Variants in SGCZ observed in about 807,000 individuals in gnomAD.
The protein encoded by SGCZ is sarcoglycan zeta.
A neutral mutation model predicts 41.3 loss-of-function variants in SGCZ; 40 were observed. That is an observed-to-expected ratio of 0.97 (90% confidence interval 0.75 to 1.26). SGCZ has a LOEUF of 1.26. Ranked by LOEUF, SGCZ falls within the 50% of genes most tolerant of loss-of-function variation. The probability of loss-of-function intolerance (pLI) is 0.00; values close to 1 mark genes in which losing one functional copy is unlikely to be tolerated. For synonymous variants in SGCZ, 206 were observed against 137.5 expected (o/e 1.50, Z -3.49); for missense variants, 552 against 369.8 (o/e 1.49, Z -4.04).
rs561895226 is a variant in SGCZ at position 14,266,658 on chromosome 8, C to A, written c.337-28979G>T. Among the ~76,000 whole-genome samples the A allele has an allele frequency of 7.9e-5, 12 of 152,146 alleles. No homozygotes were observed. In the East Asian group the frequency reaches 2.1e-3, roughly 27 times the overall value. The stretch of plus-strand genomic sequence containing the variant: ...GAAGAGTGAAGAAATCGTTAGGGAC[C>A]TGATGGGTCATTGTGAGGGTTTTTA... On this transcript the variant is annotated intron_variant, in intron 3 of 7. Transcript: ENST00000382080.
chr8:14,101,814 T>A (rs1426212064), intron 7 of SGCZ, among the ~76,000 whole-genome samples: 1 of 151,830 alleles, frequency 6.6e-6, no homozygotes, highest in Non-Finnish European at 1.5e-5. Context: ...CTTCTCAAAT[T>A]ATATGCATAT....
intron 3 of SGCZ, among the ~76,000 whole-genome samples, chr8:14,310,013 A>C (rs1896211): frequency 0.92 from 140,398 of 152,038 alleles, 64,963 homozygotes; most frequent in Middle Eastern, 0.96. Flanking sequence ...AGTCAAAAAA[A>C]AACTTGGCAT....
chr8:15,237,503 CG>C (rs1470851043), intron 1 of SGCZ, 81 bp downstream of exon 1: 1 of 1,500,864 alleles, frequency 6.7e-7, no homozygotes, highest in African/African-American at 1.4e-5. Flanking sequence ...TACTCCGCGC[CG>C]CTGGAGGAGC....
chr8:14,482,663 A>G (rs1801565937), intron 2 of SGCZ, among the ~76,000 whole-genome samples: 1 of 152,028 alleles, frequency 6.6e-6, no homozygotes, highest in African/African-American at 2.4e-5. Context: ...AGATATTAGC[A>G]TCTGCGAAAT....
intron 1 of SGCZ, among the ~76,000 whole-genome samples, chr8:14,870,841 G>A (rs897897135): frequency 1.3e-5 from 2 of 152,130 alleles, no homozygotes; most frequent in Non-Finnish European, 2.9e-5. Flanking sequence ...ATCATCACTG[G>A]TCGTTAGAGA....
intron 4 of SGCZ, among the ~76,000 whole-genome samples, chr8:14,183,355 C>CT (rs1429079462): frequency 2.0e-5 from 3 of 152,018 alleles, no homozygotes; most frequent in Admixed American, 6.6e-5. Context: ...AATCATAACT[C>CT]TTCTTGAGAA....
intron 2 of SGCZ, among the ~76,000 whole-genome samples, chr8:14,385,538 T>C (rs575205110): frequency 2.5e-4 from 38 of 152,266 alleles, no homozygotes; most frequent in African/African-American, 7.9e-4. Context: ...ATCGATAGAA[T>C]GAAGTTAGAA....
intron 1 of SGCZ, among the ~76,000 whole-genome samples, chr8:14,866,539 G>C (rs1018646053): frequency 5.3e-5 from 8 of 152,118 alleles, no homozygotes; most frequent in African/African-American, 1.9e-4. Context: ...GCTGGGCACA[G>C]TGACTCATGC....
chr8:14,697,719 GA>G (rs1203394043), intron 1 of SGCZ, among the ~76,000 whole-genome samples: 2 of 151,846 alleles, frequency 1.3e-5, no homozygotes, highest in Non-Finnish European at 2.9e-5. Flanking sequence ...AACAATCACT[GA>G]AAATCCAAAA....
intron 1 of SGCZ, among the ~76,000 whole-genome samples, chr8:14,830,171 T>C (rs7013356): frequency 6.6e-6 from 1 of 152,128 alleles, no homozygotes; most frequent in Non-Finnish European, 1.5e-5. Context: ...ATTAAAAATA[T>C]GGACCAACTT....
At chr8:14,102,087 TA>T (rs1802042163) in intron 7 of SGCZ, among the ~76,000 whole-genome samples, 1 of 99,738 alleles carries the variant, frequency 1.0e-5, no homozygotes, top group Non-Finnish European at 1.9e-5. Context: ...TATATATATA[TA>T]TATATATATA....
At chr8:14,195,713 C>T (rs892263356) in intron 4 of SGCZ, among the ~76,000 whole-genome samples, 20 of 151,988 alleles carry the variant, frequency 1.3e-4, no homozygotes, top group African/African-American at 4.6e-4. Context: ...CTGATTAATA[C>T]TGGAAAAAAT....
intron 2 of SGCZ, among the ~76,000 whole-genome samples, chr8:14,529,186 G>A (rs984455001): frequency 1.3e-5 from 2 of 152,080 alleles, no homozygotes; most frequent in African/African-American, 4.8e-5. Flanking sequence ...ATAAGTACTT[G>A]CATGATTTGG....
At chr8:14,866,583 GT>G (rs1803939859) in intron 1 of SGCZ, among the ~76,000 whole-genome samples, 1 of 152,076 alleles carries the variant, frequency 6.6e-6, no homozygotes, top group Admixed American at 6.6e-5. Flanking sequence ...GCCAAGATGG[GT>G]AGATCGCTTG....
intron 3 of SGCZ, among the ~76,000 whole-genome samples, chr8:14,240,991 G>C (rs973067866): frequency 6.6e-6 from 1 of 152,108 alleles, no homozygotes; most frequent in African/African-American, 2.4e-5. Flanking sequence ...GTTAGAATCA[G>C]CACCAACATA....
intron 1 of SGCZ, among the ~76,000 whole-genome samples, chr8:14,955,977 T>G (rs1800778512): frequency 6.6e-6 from 1 of 151,932 alleles, no homozygotes. Flanking sequence ...TTTTCACATT[T>G]GGGATTTTAA....
intron 5 of SGCZ, among the ~76,000 whole-genome samples, chr8:14,126,676 T>A (rs60146348): frequency 0.18 from 27,723 of 152,128 alleles, 3,370 homozygotes; most frequent in East Asian, 0.64. Context: ...GTTATAAAGA[T>A]ACACACACGT....
chr8:15,167,680 T>TA (rs60495317), intron 1 of SGCZ, among the ~76,000 whole-genome samples: 91,063 of 151,416 alleles, frequency 0.6, 28,097 homozygotes, highest in Non-Finnish European at 0.65. Flanking sequence ...TTGGGATGTT[T>TA]AAAAAAAAAT....
At chr8:15,059,194 T>C (rs1381513832) in intron 1 of SGCZ, among the ~76,000 whole-genome samples, 1 of 152,186 alleles carries the variant, frequency 6.6e-6, no homozygotes, top group African/African-American at 2.4e-5. Flanking sequence ...ATATTCTCGA[T>C]TAAAATTTAC....
Sources: gnomAD v4.1 joint callset for allele counts (sites outside exome capture counted in the v4.1 genomes callset) on GRCh38, gnomAD v4.1.1 for gene constraint, MANE v1.5 for transcripts, NCBI Gene and HGNC (gene_info 2026-07-23, HGNC 2026-07-21) for gene names.